Variants in BCKDHB observed in about 807,000 individuals in gnomAD.
BCKDHB encodes 2-oxoisovalerate dehydrogenase subunit beta, mitochondrial.
In BCKDHB, 41 loss-of-function variants were observed where a neutral mutation model predicts 48.5. The observed-to-expected ratio is 0.85, with a 90% CI of 0.66 to 1.10. The LOEUF (loss-of-function observed/expected upper bound fraction) is 1.10, where lower values mean the gene tolerates loss of function less well. BCKDHB is among the 50% of genes least tolerant of loss of function. The pLI is 0.00. For synonymous variants in BCKDHB, 201 were observed against 174.8 expected (o/e 1.15, Z -1.18); for missense variants, 496 against 494.2 (o/e 1.00, Z -0.03).
chr6:80,324,682 C>T (rs969771683), intron 9 of BCKDHB, among the ~76,000 whole-genome samples: 1 of 152,082 alleles, frequency 6.6e-6, no homozygotes, highest in African/African-American at 2.4e-5. Flanking sequence ...ACTACCCTCC[C>T]TTCTCTCTTC....
the BCKDHB span, among the ~76,000 whole-genome samples, chr6:80,417,228 G>C: frequency 2.0e-5 from 3 of 151,780 alleles, no homozygotes; most frequent in Admixed American, 2.0e-4. Flanking sequence ...TTTATTTTCA[G>C]CCTATGTGTG....
At chr6:80,311,367 A>C (rs1339966506) in intron 9 of BCKDHB, among the ~76,000 whole-genome samples, 3 of 152,184 alleles carry the variant, frequency 2.0e-5, no homozygotes, top group African/African-American at 7.2e-5. Flanking sequence ...ATAGATTGCA[A>C]AAATTTTCTC....
the BCKDHB span, among the ~76,000 whole-genome samples, chr6:80,416,774 A>T: frequency 7.7e-5 from 5 of 64,914 alleles, no homozygotes; most frequent in East Asian, 1.1e-3. Flanking sequence ...TTTTATTTTT[A>T]TTTTTTTTAA....
intron 6 of BCKDHB, among the ~76,000 whole-genome samples, chr6:80,193,303 A>AT (rs559806022): frequency 5.1e-4 from 78 of 151,746 alleles, no homozygotes; most frequent in African/African-American, 5.8e-4. Flanking sequence ...ATAACAGGTG[A>AT]TTTTTTTTTA....
In BCKDHB at chr6:80,342,556, G is replaced by GGA. The variant is rs1554216141; in HGVS notation, c.1039-1108_1039-1107insGA. Among the ~76,000 whole-genome samples the GGA allele has an allele frequency of 4.2e-3, 101 of 24,064 alleles. 7 individuals are homozygous for GGA. Among genetic ancestry groups the GGA allele is most frequent in the African/African-American group, 0.015 (94 of 6,134 alleles). The allele number at this position is 24,064 out of a possible 152,430, so 15.8% of individuals were successfully genotyped here. A position where few individuals can be genotyped will look rare whatever the true frequency, so the allele number is the denominator to read the frequency against. On this transcript the variant is annotated intron_variant, in intron 9 of 9. Transcript: ENST00000320393. ...GGCAACATAAGAAGACCTCATTTCTGAAAAAAAAAAAAAAAAAAAAAAAGA... is the reference window on the plus strand; with the variant it reads ...GGCAACATAAGAAGACCTCATTTCTGGAAAAAAAAAAAAAAAAAAAAAAAAGA...
the BCKDHB span, among the ~76,000 whole-genome samples, chr6:80,420,251 A>G: frequency 2.6e-3 from 403 of 152,254 alleles, 2 homozygotes; most frequent in African/African-American, 9.3e-3. Flanking sequence ...CTGCATTGCC[A>G]TGTTTGCATT....
At chr6:80,280,097 C>T (rs889080177) in intron 9 of BCKDHB, among the ~76,000 whole-genome samples, 76 of 152,058 alleles carry the variant, frequency 5.0e-4, no homozygotes, top group African/African-American at 1.3e-3. Flanking sequence ...GTAAGGTAAG[C>T]GTTGACAAGT....
chr6:80,376,288 G>T, the BCKDHB span, among the ~76,000 whole-genome samples: 1 of 151,966 alleles, frequency 6.6e-6, no homozygotes, highest in Non-Finnish European at 1.5e-5. Context: ...GGAAGTGGGG[G>T]AAAGCTGGCA....
intron 8 of BCKDHB, among the ~76,000 whole-genome samples, chr6:80,221,755 T>G (rs944678806): frequency 6.6e-6 from 1 of 152,182 alleles, no homozygotes; most frequent in African/African-American, 2.4e-5. Flanking sequence ...AGTATCAACT[T>G]CATTGTATAG....
chr6:80,157,551 C>T (rs979359117), intron 3 of BCKDHB, among the ~76,000 whole-genome samples: 2 of 148,810 alleles, frequency 1.3e-5, no homozygotes, highest in East Asian at 2.0e-4. Context: ...CCGCAACCTC[C>T]GCCTCCCAGG....
At chr6:80,411,577 T>C in the BCKDHB span, among the ~76,000 whole-genome samples, 1 of 152,018 alleles carries the variant, frequency 6.6e-6, no homozygotes, top group Non-Finnish European at 1.5e-5. Context: ...AGAGGTGGAG[T>C]CTATAGAGGC....
chr6:80,190,468 A>G (rs552781566), intron 6 of BCKDHB, among the ~76,000 whole-genome samples: 1 of 152,186 alleles, frequency 6.6e-6, no homozygotes, highest in Non-Finnish European at 1.5e-5. Flanking sequence ...CACACTATCT[A>G]TAACCGAGTT....
chr6:80,157,852 T>G (rs1402651885), intron 3 of BCKDHB, among the ~76,000 whole-genome samples: 1 of 152,150 alleles, frequency 6.6e-6, no homozygotes, highest in African/African-American at 2.4e-5. Context: ...AATGAAAAAT[T>G]TCATGTTTAT....
At chr6:80,198,260 A>T (rs1175263050) in intron 6 of BCKDHB, among the ~76,000 whole-genome samples, 2 of 152,208 alleles carry the variant, frequency 1.3e-5, no homozygotes, top group Non-Finnish European at 2.9e-5. Context: ...AGCTATAGTT[A>T]GCCCACCCCT....
At chr6:80,163,609 C>G (rs1175769730) in intron 3 of BCKDHB, among the ~76,000 whole-genome samples, 2 of 152,154 alleles carry the variant, frequency 1.3e-5, no homozygotes, top group Non-Finnish European at 2.9e-5. Flanking sequence ...TTTAAATTTA[C>G]TAGGTAATCT....
chr6:80,326,265 G>A (rs912578624), intron 9 of BCKDHB, among the ~76,000 whole-genome samples: 2 of 152,146 alleles, frequency 1.3e-5, no homozygotes, highest in African/African-American at 4.8e-5. Context: ...GCTTACTATA[G>A]CAGAGCCTGA....
At chr6:80,458,463 C>A in the BCKDHB span, among the ~76,000 whole-genome samples, 2 of 152,186 alleles carry the variant, frequency 1.3e-5, no homozygotes, top group African/African-American at 4.8e-5. Context: ...TCTGTGAAGG[C>A]AGACAGTGTG....
At chr6:80,427,424 C>T in the BCKDHB span, among the ~76,000 whole-genome samples, 24 of 151,968 alleles carry the variant, frequency 1.6e-4, no homozygotes, top group Admixed American at 3.9e-4. Context: ...TTTACTTGTA[C>T]GTGTTATAAA....
At chr6:80,311,195 A>G (rs1401519542) in intron 9 of BCKDHB, among the ~76,000 whole-genome samples, 2 of 152,206 alleles carry the variant, frequency 1.3e-5, no homozygotes, top group African/African-American at 2.4e-5. Context: ...TTTGTCTGCC[A>G]TCATCTATGT....
Sources: allele counts gnomAD v4.1 joint callset (sites outside exome capture counted in the v4.1 genomes callset), GRCh38; gene constraint gnomAD v4.1.1; transcripts MANE v1.5; gene names NCBI Gene and HGNC (gene_info 2026-07-23, HGNC 2026-07-21).